NANP: variants seen among roughly 807,000 people sequenced by gnomAD.
NANP encodes the protein N-acylneuraminate-9-phosphatase.
NANP carries 15 observed loss-of-function variants against 16.9 expected under a neutral mutation model. That is an observed-to-expected ratio of 0.89 (90% CI 0.59 to 1.37). The LOEUF (loss-of-function observed/expected upper bound fraction) is 1.37, where lower values mean the gene tolerates loss of function less well. Among genes scored for constraint, NANP ranks in the 40% most tolerant of loss-of-function variants. The probability of loss-of-function intolerance (pLI) is 0.00; values close to 1 mark genes in which losing one functional copy is unlikely to be tolerated. For missense variants in NANP, 290 were observed against 303.5 expected (o/e 0.96, Z 0.33); for synonymous variants, 135 against 112.6 (o/e 1.20, Z -1.26).
At chr20:25,618,864 G>A (rs1317904591) in intron 1 of NANP, among the ~76,000 whole-genome samples, 1 of 151,996 alleles carries the variant, frequency 6.6e-6, no homozygotes, top group African/African-American at 2.4e-5. Context: ...ACCCCTTAAC[G>A]TGTATCCTGG....
In NANP at chr20:25,615,980, A is replaced by G; in HGVS notation, c.692T>C (p.Leu231Pro). 1 of 1,614,226 alleles carries G rather than the reference A, an allele frequency of 6.2e-7. No individual in the cohort carries two copies. The highest frequency in any genetic ancestry group is 1.1e-5 in the South Asian group (1 of 91,088). ...PVPHYMVSSVLELPALLQSID... is the reference protein window; with the variant it reads ...PVPHYMVSSVPELPALLQSID... ...ACTTTGTAAGAGAGCAGGTAACTCTAGCACAGAAGAAACCATGTAATGCGG... is the reference window on the plus strand; with the variant it reads ...ACTTTGTAAGAGAGCAGGTAACTCTGGCACAGAAGAAACCATGTAATGCGG... The change falls in exon 2 of 2, where the codon CTA becomes CCA. Residue 231 changes from leucine to proline, a missense_variant. By Grantham distance (98) the Leu-to-Pro change is moderately conservative (BLOSUM62 -3). Coordinates refer to ENST00000304788, the MANE Select transcript of NANP (RefSeq NM_152667.3).
Position 25,616,227 on chromosome 20 carries a change from A to C in NANP, c.445T>G (p.Ser149Ala). The C allele has an allele frequency of 6.2e-7, 1 of 1,614,194 alleles. No individual in the cohort carries two copies. Among genetic ancestry groups the C allele is most frequent in the Non-Finnish European group, 8.5e-7 (1 of 1,180,036 alleles). Reference sequence around the variant, plus strand: ...CCTACAACAACAGCGTCAAAATAGGACTGACAGGCACAAGCCTCAATCTTC... The same window carrying C: ...CCTACAACAACAGCGTCAAAATAGGCCTGACAGGCACAAGCCTCAATCTTC... ...REKIEACACQSYFDAVVVGGE... is the reference protein window; with the variant it reads ...REKIEACACQAYFDAVVVGGE... Residue 149 changes from serine (S) to alanine (A), a missense_variant, in exon 2 of 2, where the codon TCC becomes GCC. Physicochemically the swap from Ser to Ala is moderately conservative, Grantham distance 99 (BLOSUM62 1). Transcript: ENST00000304788.
intron 1 of NANP, among the ~76,000 whole-genome samples, chr20:25,618,666 G>A (rs1414781493): frequency 6.6e-6 from 1 of 152,004 alleles, no homozygotes. Context: ...ATTGCCCTGG[G>A]AGCAGCCCTC....
At position 25,623,920 on chromosome 20, in the gene NANP, A is replaced by G. The variant is rs1199243613; in HGVS notation, c.29T>C (p.Phe10Ser). The G allele has an allele frequency of 6.2e-7, 1 of 1,613,432 alleles. No homozygotes were observed. The highest frequency in any genetic ancestry group is 1.7e-5 in the Admixed American group (1 of 60,018). MGLSRVRAV[F>S]FDLDNTLIDT... ...GATGAGAGTGTTGTCCAAGTCAAAG[A>G]AAACCGCCCGCACGCGGCTCAGCCC... The change falls in exon 1 of 2, where the codon TTC becomes TCC. Residue 10 changes from phenylalanine (F) to serine (S), a missense_variant. Coordinates refer to ENST00000304788, the MANE Select transcript of NANP (RefSeq NM_152667.3).
rs748737573 is a variant in NANP at position 25,616,202 on chromosome 20, C to A, written c.470G>T (p.Gly157Val). ...TGGTTTCTCCTCTCTCTGCTCTCCA[C>A]CTACAACAACAGCGTCAAAATAGGA... ...CQSYFDAVVV[G>V]GEQREEKPAP... Residue 157 changes from glycine to valine, a missense_variant, in exon 2 of 2, where the codon GGT becomes GTT. Transcript: ENST00000304788. The A allele has an allele frequency of 9.3e-6, 15 of 1,614,032 alleles. No individual in the cohort carries two copies. The highest frequency in any genetic ancestry group is 6.7e-5 in the Admixed American group (4 of 59,998).
intron 1 of NANP, among the ~76,000 whole-genome samples, chr20:25,618,765 C>G (rs1283241589): frequency 1.3e-5 from 2 of 152,020 alleles, no homozygotes; most frequent in Non-Finnish European, 1.5e-5. Flanking sequence ...GTGTACTGTC[C>G]CCCAGAAATC....
rs1474570017 is a variant in NANP, at chr20:25,613,631, T to C, written c.*2294A>G. ...TAAAATATTTTCTGTAACATTCCAC[T>C]CAGAAGGTAGATAACCACAAAGTTC... is the stretch of plus-strand genomic sequence containing the variant. On this transcript the variant is annotated 3_prime_UTR_variant, in exon 2 of 2. Coordinates refer to ENST00000304788, the MANE Select transcript of NANP (RefSeq NM_152667.3). The C allele has an allele frequency of 2.5e-6, 1 of 396,284 alleles. No homozygotes were observed. Among genetic ancestry groups the C allele is most frequent in the East Asian group, 3.6e-5 (1 of 27,970 alleles). 24.5% of individuals were successfully genotyped at this position (396,284 alleles called of 1,614,324 possible).
chr20:25,621,162 G>A (rs1018137869), intron 1 of NANP, among the ~76,000 whole-genome samples: 2 of 152,084 alleles, frequency 1.3e-5, no homozygotes. Flanking sequence ...TTCAAGCAGC[G>A]CTTCTGTTAT....
chr20:25,622,227 CA>C (rs926619922), intron 1 of NANP, among the ~76,000 whole-genome samples: 4 of 152,294 alleles, frequency 2.6e-5, no homozygotes, highest in Non-Finnish European at 5.9e-5. Context: ...CCCACAGCAA[CA>C]GTCTAGGTGA....
At chr20:25,618,185 C>A (rs1303215791) in intron 1 of NANP, among the ~76,000 whole-genome samples, 1 of 123,806 alleles carries the variant, frequency 8.1e-6, no homozygotes, top group African/African-American at 3.3e-5. Context: ...ACAACCACTA[C>A]AAATCATGGG....
chr20:25,622,525 C>A lies in NANP; in HGVS notation c.90+1334G>T, dbSNP rs2065369205. Among the ~76,000 whole-genome samples the A allele has an allele frequency of 2.0e-5, 3 of 152,070 alleles. No homozygotes were observed. In the South Asian group the frequency reaches 6.2e-4, roughly 32 times the overall value. On this transcript the variant is annotated intron_variant, in intron 1 of 1. Transcript: ENST00000304788. Reference sequence around the variant, plus strand: ...ACTCTGGGCCTACAGCAAGAATTGGCCTAAAGCAATAATTTAATTGAAATG... The same window carrying A: ...ACTCTGGGCCTACAGCAAGAATTGGACTAAAGCAATAATTTAATTGAAATG...
In NANP at chr20:25,623,847, TG is replaced by T; in HGVS notation, c.90+11del. 6.2e-7 allele frequency: 1 copy of T among 1,610,438 alleles called. No homozygotes were observed. The highest frequency in any genetic ancestry group is 8.5e-7 in the Non-Finnish European group (1 of 1,178,302). On this transcript the variant is annotated intron_variant, in intron 1 of 1. Transcript: ENST00000304788. ...ACCCCGCCCAGAGGAGCGCCATGGGTGGGGACGTTACCTCCAACATGCCTCT... is the reference window on the plus strand; with the variant it reads ...ACCCCGCCCAGAGGAGCGCCATGGGTGGGACGTTACCTCCAACATGCCTCT...
At chr20:25,617,395 A>G (rs2065347573) in intron 1 of NANP, among the ~76,000 whole-genome samples, 1 of 152,166 alleles carries the variant, frequency 6.6e-6, no homozygotes, top group East Asian at 1.9e-4. Context: ...TATTTTTAGC[A>G]GAGACAGGGT....
At chr20:25,619,354 C>T (rs1425139909) in intron 1 of NANP, among the ~76,000 whole-genome samples, 2 of 152,112 alleles carry the variant, frequency 1.3e-5, no homozygotes, top group African/African-American at 4.8e-5. Flanking sequence ...CTCCTAGCCT[C>T]AAGCAATCCT....
At position 25,613,705 on chromosome 20, in the gene NANP, T is replaced by C. The variant is rs1469366247; in HGVS notation, c.*2220A>G. On this transcript the variant is annotated 3_prime_UTR_variant, in exon 2 of 2. Transcript: ENST00000304788. ...GAATGTAATACATTACTGTACTCTGTAGAATACAAACTGTGAAGACAAGGA... is the reference window on the plus strand; with the variant it reads ...GAATGTAATACATTACTGTACTCTGCAGAATACAAACTGTGAAGACAAGGA... 1.3e-5 allele frequency: 5 copies of C among 398,168 alleles called. No homozygotes were observed. The highest frequency in any genetic ancestry group is 4.4e-5 in the Admixed American group (1 of 22,714). 24.7% of individuals were successfully genotyped at this position (398,168 alleles called of 1,614,324 possible).
At position 25,616,370 on chromosome 20, in the gene NANP, T is replaced by C; in HGVS notation, c.302A>G (p.Lys101Arg). Residue 101 changes from lysine (K) to arginine (R), a missense_variant, in exon 2 of 2, where the codon AAA becomes AGA. Physicochemically the swap from Lys to Arg is conservative, Grantham distance 26 (BLOSUM62 2). Coordinates refer to ENST00000304788, the MANE Select transcript of NANP (RefSeq NM_152667.3). ...KLAEECYFLW[K>R]STRLQHMTLA... is the part of the protein sequence containing the mutation. ...TGTCATATGCTGTAAACGTGTAGAT[T>C]TCCAAAGGAAATAACATTCTTCAGC... 1 of 1,612,922 alleles carries C rather than the reference T, an allele frequency of 6.2e-7. No individual in the cohort carries two copies. The highest frequency in any genetic ancestry group is 8.5e-7 in the Non-Finnish European group (1 of 1,179,524).
intron 1 of NANP, among the ~76,000 whole-genome samples, chr20:25,618,577 A>C (rs578175011): frequency 6.6e-6 from 1 of 151,958 alleles, no homozygotes; most frequent in South Asian, 2.1e-4. Flanking sequence ...TTCCCTCTCC[A>C]AGTATGGGCC....
rs747366374 is a variant in NANP, at chr20:25,623,839, G to C, written c.90+20C>G. 8 of 1,607,434 alleles carry C rather than the reference G, an allele frequency of 5.0e-6. No individual in the cohort carries two copies. In the African/African-American group the frequency reaches 1.1e-4, roughly 21 times the overall value. ...GCGCACTGACCCCGCCCAGAGGAGCGCCATGGGTGGGGACGTTACCTCCAA... is the reference window on the plus strand; with the variant it reads ...GCGCACTGACCCCGCCCAGAGGAGCCCCATGGGTGGGGACGTTACCTCCAA... On this transcript the variant is annotated intron_variant, in intron 1 of 1. Transcript: ENST00000304788.
Position 25,624,004 on chromosome 20 carries a change from A to C in NANP, c.-56T>G. 2 of 1,558,060 alleles carry C rather than the reference A, an allele frequency of 1.3e-6. No homozygotes were observed. Among genetic ancestry groups the C allele is most frequent in the South Asian group, 1.1e-5 (1 of 88,752 alleles). On this transcript the variant is annotated 5_prime_UTR_variant, in exon 1 of 2. Transcript: ENST00000304788. Reference sequence around the variant, plus strand: ...TGCCACCGCCGCCTGCGCATGCGCAAGGCGGACTGCCCAGAGAGACGTGGG... The same window carrying C: ...TGCCACCGCCGCCTGCGCATGCGCACGGCGGACTGCCCAGAGAGACGTGGG...
Sources: allele counts gnomAD v4.1 joint callset (sites outside exome capture counted in the v4.1 genomes callset), GRCh38; gene constraint gnomAD v4.1.1; transcripts MANE v1.5; gene names NCBI Gene and HGNC (gene_info 2026-07-23, HGNC 2026-07-21).